CENPT: variants seen among roughly 807,000 people sequenced by gnomAD.
CENPT encodes centromere protein T.
Under a neutral mutation model 59.7 loss-of-function variants are expected in CENPT, and 42 were observed. The observed-to-expected ratio is 0.70, with a 90% CI of 0.55 to 0.91. CENPT has a LOEUF of 0.91. Among genes scored for constraint, CENPT ranks in the 40% least tolerant of loss-of-function variants. The pLI, the probability that CENPT is intolerant of heterozygous loss-of-function variation, is 0.00. For synonymous variants in CENPT, 295 were observed against 289.6 expected (o/e 1.02, Z -0.19); for missense variants, 716 against 713.4 (o/e 1.00, Z -0.04).
Position 67,835,182 on chromosome 16 carries a change from T to G in CENPT, c.-252A>C, listed in dbSNP as rs1188056651. ...GCTAGAGATGCTTACCATATTCTGTTAGTGTTTTCCTCCGTATTTTTCACT... is the reference window on the plus strand; with the variant it reads ...GCTAGAGATGCTTACCATATTCTGTGAGTGTTTTCCTCCGTATTTTTCACT... On this transcript the variant is annotated 5_prime_UTR_variant, in exon 3 of 16. Transcript: ENST00000562787. 1 of 152,204 alleles carries G rather than the reference T, an allele frequency of 6.6e-6. No homozygotes were observed. Among genetic ancestry groups the G allele is most frequent in the Non-Finnish European group, 1.5e-5 (1 of 68,046 alleles). 9.4% of individuals were successfully genotyped at this position (152,204 alleles called of 1,614,324 possible). A position where few individuals can be genotyped will look rare whatever the true frequency, so the allele number is the denominator to read the frequency against.
rs770734339 is a variant in CENPT, at chr16:67,830,020, G to C, written c.931C>G (p.Leu311Val). Residue 311 changes from leucine to valine, a missense_variant, in exon 12 of 16, where the codon CTG becomes GTG. By Grantham distance (32) the Leu-to-Val change is conservative (BLOSUM62 1). Coordinates refer to ENST00000562787, the MANE Select transcript of CENPT (RefSeq NM_025082.4). ...CCAGAGACACCACTGCTGGTGCTCA[G>C]GAAGCCCAGAGCAAAGGCATTGACC... ...EEVNAFALGFLSTSSGVSGED... is the reference protein window; with the variant it reads ...EEVNAFALGFVSTSSGVSGED... 15 of 1,614,230 alleles carry C rather than the reference G, an allele frequency of 9.3e-6. No individual in the cohort carries two copies. The highest frequency in any genetic ancestry group is 1.3e-5 in the Non-Finnish European group (15 of 1,180,046).
chr16:67,830,274 G>C (rs2057673393), intron 11 of CENPT, 116 bp downstream of exon 11: 1 of 1,348,362 alleles, frequency 7.4e-7, no homozygotes, highest in East Asian at 2.3e-5. Flanking sequence ...GGATGAAGGA[G>C]GCAGCCACAG....
Position 67,832,209 on chromosome 16 carries a change from C to G in CENPT, c.289+19G>C, listed in dbSNP as rs2057698897. Reference sequence around the variant, plus strand: ...TGGACTGGTACCTAACTCTGACCGGCAGGCCAGCGCTCACTTACCAGTTAG... The same window carrying G: ...TGGACTGGTACCTAACTCTGACCGGGAGGCCAGCGCTCACTTACCAGTTAG... On this transcript the variant is annotated intron_variant, in intron 6 of 15. Coordinates refer to ENST00000562787, the MANE Select transcript of CENPT (RefSeq NM_025082.4). 6.2e-7 allele frequency: 1 copy of G among 1,613,504 alleles called. No homozygotes were observed. Among genetic ancestry groups the G allele is most frequent in the African/African-American group, 1.3e-5 (1 of 74,924 alleles).
At chr16:67,836,866 C>T (rs1169610626) in intron 1 of CENPT, among the ~76,000 whole-genome samples, 9 of 152,094 alleles carry the variant, frequency 5.9e-5, no homozygotes, top group South Asian at 4.1e-4. Flanking sequence ...CTCAGCCTCC[C>T]GAGTAGCTGG....
At chr16:67,831,114 G>C in intron 10 of CENPT, 102 bp downstream of exon 10, 1 of 1,499,074 alleles carries the variant, frequency 6.7e-7, no homozygotes, top group South Asian at 1.1e-5. Context: ...CGCTGTCCTT[G>C]ACCCCACCGA....
intron 1 of CENPT, among the ~76,000 whole-genome samples, chr16:67,846,510 G>C (rs1479389855): frequency 6.6e-6 from 1 of 152,266 alleles, no homozygotes; most frequent in Non-Finnish European, 1.5e-5. Flanking sequence ...AGCCCCAAGG[G>C]GAGGGGGTTT....
rs1031196679 is a variant in CENPT, at chr16:67,842,416, C to T, written c.-492+4985G>A. On this transcript the variant is annotated intron_variant, in intron 1 of 15. Transcript: ENST00000562787. The surrounding 1 kb of genome is among the most constrained non-coding windows in gnomAD (Gnocchi z 4.9). ...GGGCACGGGGCGCCGGGCGGGCCGG[C>T]TGCGCCGAGCGGCAGTGGTGGGATA... 2 of 519,916 alleles carry T rather than the reference C, an allele frequency of 3.8e-6. No individual in the cohort carries two copies. The highest frequency in any genetic ancestry group is 5.1e-5 in the East Asian group (1 of 19,766). The allele number at this position is 519,916 out of a possible 1,614,324, so 32.2% of individuals were successfully genotyped here.
In CENPT at chr16:67,843,787, T is replaced by C. The variant is rs113162773; in HGVS notation, c.-492+3614A>G. On this transcript the variant is annotated intron_variant, in intron 1 of 15. Transcript: ENST00000562787. The surrounding 1 kb of genome is among the most constrained non-coding windows in gnomAD (Gnocchi z 5.7). ...GCAGAGGCTTCAGAACCACTGAACT[T>C]GAAACTTACCCTCTAGGGATGCAGG... The C allele has an allele frequency of 4.0e-5, 16 of 398,566 alleles. No individual in the cohort carries two copies. The highest frequency in any genetic ancestry group is 2.7e-4 in the African/African-American group (13 of 48,362). 24.7% of individuals were successfully genotyped at this position (398,566 alleles called of 1,614,324 possible).
Position 67,829,901 on chromosome 16 carries a change from T to C in CENPT, c.1050A>G (p.Thr350=). ...CTACCCTGCTGGGTCCTTGTGCTCC[T>C]GTTGCCTCCATTTCACTCACACTCA... ...EGVSVSEMEA[T]GAQGPSRVEE... The change falls in exon 12 of 16, where the codon ACA becomes ACG. Residue 350 remains threonine (T), a synonymous_variant. Coordinates refer to ENST00000562787, the MANE Select transcript of CENPT (RefSeq NM_025082.4). The C allele has an allele frequency of 6.2e-7, 1 of 1,614,252 alleles. No homozygotes were observed. Among genetic ancestry groups the C allele is most frequent in the Non-Finnish European group, 8.5e-7 (1 of 1,180,046 alleles).
At chr16:67,845,155 A>C (rs1598152227) in intron 1 of CENPT, among the ~76,000 whole-genome samples, 1 of 152,170 alleles carries the variant, frequency 6.6e-6, no homozygotes, top group Non-Finnish European at 1.5e-5. Context: ...AGCTCCAAGT[A>C]ATTTAGCTCA....
intron 1 of CENPT, among the ~76,000 whole-genome samples, chr16:67,846,581 T>G (rs1233077604): frequency 6.6e-6 from 1 of 152,202 alleles, no homozygotes; most frequent in Non-Finnish European, 1.5e-5. Context: ...GGGGCCGGGC[T>G]GGGCTCCCAC....
intron 3 of CENPT, chr16:67,834,355 T>C (rs1218104913): frequency 6.6e-6 from 1 of 152,654 alleles, no homozygotes; most frequent in East Asian, 1.9e-4. Context: ...CGCCTGTAAT[T>C]CCAATACTTT....
Position 67,831,770 on chromosome 16 carries a change from C to A in CENPT, c.507G>T (p.Gly169=), listed in dbSNP as rs200384622. The change falls in exon 8 of 16, where the codon GGG becomes GGT. Residue 169 remains glycine, a synonymous_variant. Transcript: ENST00000562787. ...LSVFQQGVDQ[G]LSLSQEPQGN... is the part of the protein sequence containing the mutation. ...GGGCCTCACCTTGGGAGAGAGACAG[C>A]CCCTGGTCCACTCCCTGCTGAAACA... is the stretch of plus-strand genomic sequence containing the variant. 8.9e-5 allele frequency: 140 copies of A among 1,581,264 alleles called. No individual in the cohort carries two copies. The highest frequency in any genetic ancestry group is 1.1e-4 in the Non-Finnish European group (133 of 1,164,796).
At position 67,833,819 on chromosome 16, in the gene CENPT, G is replaced by A. The variant is rs2057716625; in HGVS notation, c.41C>T (p.Thr14Met). Residue 14 changes from threonine to methionine, a missense_variant, in exon 4 of 16, where the codon ACG becomes ATG. By Grantham distance (81) the Thr-to-Met change is moderately conservative. Coordinates refer to ENST00000562787, the MANE Select transcript of CENPT (RefSeq NM_025082.4). ...TGTATCCAGCACGCGTCGCAGCAGC[G>A]TGCGCGGCGTGGAGTCGCTGTCAGG... ...HNPDSDSTPRTLLRRVLDTAD... is the reference protein window; with the variant it reads ...HNPDSDSTPRMLLRRVLDTAD... The A allele has an allele frequency of 6.3e-7, 1 of 1,575,260 alleles. No individual in the cohort carries two copies.
At chr16:67,841,006 AATACATATATATATATATATAT>A (rs1202988066) in intron 1 of CENPT, among the ~76,000 whole-genome samples, 1 of 66,458 alleles carries the variant, frequency 1.5e-5, no homozygotes, top group Non-Finnish European at 2.4e-5. Flanking sequence ...CTAAATACAA[AATACATATATATATATATATAT>A]ATATATATAT....
At position 67,831,890 on chromosome 16, in the gene CENPT, G is replaced by C. The variant is rs372047486; in HGVS notation, c.387C>G (p.Ser129Arg). Residue 129 changes from serine (S) to arginine (R), a missense_variant and splice_region_variant, in exon 8 of 16, where the codon AGC becomes AGG. Ser to Arg is a moderately radical substitution (Grantham distance 110, BLOSUM62 -1). Coordinates refer to ENST00000562787, the MANE Select transcript of CENPT (RefSeq NM_025082.4). ...QPSRQESSCG[S>R]LELQLPELEP... ...CGAGCTCAGGAAGTTGCAGCTCCAGGCTATAAGAATGGAGCTTATCTCAGA... is the reference window on the plus strand; with the variant it reads ...CGAGCTCAGGAAGTTGCAGCTCCAGCCTATAAGAATGGAGCTTATCTCAGA... 2.5e-6 allele frequency: 4 copies of C among 1,610,904 alleles called. No individual in the cohort carries two copies. Among genetic ancestry groups the C allele is most frequent in the Non-Finnish European group, 3.4e-6 (4 of 1,179,156 alleles).
chr16:67,833,959 C>G lies in CENPT; in HGVS notation c.-100G>C, dbSNP rs1255897495. The stretch of plus-strand genomic sequence containing the variant: ...CTCTCGCGATGCTCCCGCACAGCCC[C>G]ACGGGAATTGTAGTTCTCGCACTAT... On this transcript the variant is annotated 5_prime_UTR_variant, in exon 4 of 16. Transcript: ENST00000562787. 1.3e-6 allele frequency: 1 copy of G among 747,768 alleles called. No individual in the cohort carries two copies. Among genetic ancestry groups the G allele is most frequent in the Non-Finnish European group, 2.0e-6 (1 of 502,966 alleles). 46.3% of individuals were successfully genotyped at this position (747,768 alleles called of 1,614,324 possible).
chr16:67,844,291 C>T (rs1049780133), intron 1 of CENPT: 2 of 156,222 alleles, frequency 1.3e-5, no homozygotes, highest in African/African-American at 4.8e-5. Context: ...CCAGGCTGAC[C>T]CTGAAAGTAG....
rs2057776301 is a variant in CENPT, at chr16:67,843,070, C to T, written c.-492+4331G>A. ...TAGACAGCAGTCAGGCTCCGGGATCCGTACAGCCGGCGCCCATCACTCCCA... is the reference window on the plus strand; with the variant it reads ...TAGACAGCAGTCAGGCTCCGGGATCTGTACAGCCGGCGCCCATCACTCCCA... On this transcript the variant is annotated intron_variant, in intron 1 of 15. Transcript: ENST00000562787. The surrounding 1 kb of genome is among the most constrained non-coding windows in gnomAD (Gnocchi z 5.7). 3 of 1,611,602 alleles carry T rather than the reference C, an allele frequency of 1.9e-6. No homozygotes were observed. The highest frequency in any genetic ancestry group is 1.3e-5 in the African/African-American group (1 of 74,912).
Sources: gnomAD v4.1 joint callset for allele counts (sites outside exome capture counted in the v4.1 genomes callset) on GRCh38, gnomAD v4.1.1 for gene constraint, Gnocchi (gnomAD v3.1) non-coding constraint, MANE v1.5 for transcripts, NCBI Gene and HGNC (gene_info 2026-07-23, HGNC 2026-07-21) for gene names.